Variants in ELFN2 observed in about 807,000 individuals in gnomAD.
ELFN2 encodes protein phosphatase 1 regulatory subunit 29.
Under a neutral mutation model 45.5 loss-of-function variants are expected in ELFN2, and 17 were observed. The ratio of observed to expected loss-of-function variants is 0.37; its 90% CI spans 0.26 to 0.56. The LOEUF (loss-of-function observed/expected upper bound fraction) is 0.56, where lower values mean the gene tolerates loss of function less well. ELFN2 is among the 20% of genes least tolerant of loss of function. ELFN2 has a pLI of 0.77. For missense variants in ELFN2, 922 were observed against 1,183.2 expected, an observed-to-expected ratio of 0.78 and a Z score of 3.24; for synonymous variants, 550 against 551.5, an observed-to-expected ratio of 1.00 and a Z score of 0.04.
chr22:37,341,467 A>G (rs1930558336), intron 2 of ELFN2, among the ~76,000 whole-genome samples: 1 of 151,628 alleles, frequency 6.6e-6, no homozygotes, highest in Non-Finnish European at 1.5e-5. Flanking sequence ...AGAGGAGGGA[A>G]GGTCTAAAGC....
chr22:37,412,813 C>T (rs752409702), intron 2 of ELFN2, among the ~76,000 whole-genome samples: 10 of 152,234 alleles, frequency 6.6e-5, no homozygotes, highest in Non-Finnish European at 1.5e-4. Flanking sequence ...CAGGTCCAGC[C>T]TCTGGCATTG....
chr22:37,392,318 CTT>C (rs1285741986), intron 2 of ELFN2, among the ~76,000 whole-genome samples: 7 of 131,146 alleles, frequency 5.3e-5, no homozygotes, highest in Admixed American at 7.6e-5. Flanking sequence ...GTTGGATTCT[CTT>C]TTTTTTTTTT....
At chr22:37,392,292 T>TTTTGTTTG (rs554549663) in intron 2 of ELFN2, among the ~76,000 whole-genome samples, 2 of 151,372 alleles carry the variant, frequency 1.3e-5, no homozygotes, top group African/African-American at 4.9e-5. Context: ...TTGTTGTGTT[T>TTTTGTTTG]TTTGTTTGTT....
intron 1 of ELFN2, among the ~76,000 whole-genome samples, chr22:37,346,312 G>T (rs1414328751): frequency 6.6e-6 from 1 of 152,194 alleles, no homozygotes; most frequent in East Asian, 1.9e-4. Context: ...CCTGGCCGGA[G>T]CAGGTGGGGT....
rs918129532 is a variant in ELFN2, at chr22:37,369,041, T to C, written c.*4031A>G. 1 of 152,118 alleles carries C rather than the reference T, an allele frequency of 6.6e-6. No individual in the cohort carries two copies. The highest frequency in any genetic ancestry group is 2.4e-5 in the African/African-American group (1 of 41,370). 9.4% of individuals were successfully genotyped at this position (152,118 alleles called of 1,614,324 possible). On this transcript the variant is annotated 3_prime_UTR_variant, in exon 3 of 3. Coordinates refer to ENST00000402918, the MANE Select transcript of ELFN2 (RefSeq NM_052906.5). Reference sequence around the variant, plus strand: ...GCGCCAGTCACTAGGGAGCATTGTGTCTTATCCCTTCCCTGCACTTAGGCC... The same window carrying C: ...GCGCCAGTCACTAGGGAGCATTGTGCCTTATCCCTTCCCTGCACTTAGGCC...
Position 37,375,299 on chromosome 22 carries a change from C to G in ELFN2, c.236G>C (p.Gly79Ala), listed in dbSNP as rs1052628966. ...GGTGAGGTTGAGGTCGGTGAGGTTC[C>G]CAAAGCGGTTGAGCGAGGAGTAGAG... is the stretch of plus-strand genomic sequence containing the variant. ...AVLYSSLNRF[G>A]NLTDLNLTKN... The change falls in exon 3 of 3, where the codon GGG (glycine) becomes GCG (alanine). Residue 79 changes from glycine to alanine, a missense_variant. This residue lies in a region of ELFN2 where 358 missense variants were observed against 540.4 expected (regional missense o/e 0.66). Transcript: ENST00000402918. The G allele has an allele frequency of 1.9e-6, 3 of 1,613,974 alleles. No individual in the cohort carries two copies. The highest frequency in any genetic ancestry group is 2.5e-6 in the Non-Finnish European group (3 of 1,180,020).
intron 2 of ELFN2, among the ~76,000 whole-genome samples, chr22:37,408,265 T>C (rs1272675259): frequency 6.6e-6 from 1 of 152,194 alleles, no homozygotes; most frequent in Non-Finnish European, 1.5e-5. Flanking sequence ...GGGCATCACA[T>C]ACCCCAGGGC....
At position 37,412,142 on chromosome 22, in the gene ELFN2, C is replaced by T. The variant is rs1255422320; in HGVS notation, c.-463+5627G>A. 2.0e-5 allele frequency among the ~76,000 whole-genome samples: 3 copies of T among 151,952 alleles called. No homozygotes were observed. In the East Asian group the frequency reaches 5.8e-4, roughly 29 times the overall value. The stretch of plus-strand genomic sequence containing the variant: ...GGTGTATCACTTGAGGTCAGGAGTT[C>T]GAGACCAGCCTGGTCAACATGGCGA... On this transcript the variant is annotated intron_variant, in intron 2 of 2. Coordinates refer to ENST00000402918, the MANE Select transcript of ELFN2 (RefSeq NM_052906.5).
chr22:37,390,260 C>G (rs763865302), intron 2 of ELFN2, among the ~76,000 whole-genome samples: 3 of 152,202 alleles, frequency 2.0e-5, no homozygotes, highest in Non-Finnish European at 4.4e-5. Flanking sequence ...ACAGGAGAGT[C>G]GGGTGCGAAT....
chr22:37,394,601 G>C (rs899043867), intron 2 of ELFN2, among the ~76,000 whole-genome samples: 4 of 152,318 alleles, frequency 2.6e-5, no homozygotes, highest in Non-Finnish European at 5.9e-5. Flanking sequence ...CGCAGCTCCC[G>C]CCCCGGCACA....
chr22:37,374,676 C>A lies in ELFN2; in HGVS notation c.859G>T (p.Ala287Ser), dbSNP rs900737812. Residue 287 changes from alanine to serine, a missense_variant, in exon 3 of 3, where the codon GCC (alanine) becomes TCC (serine). Transcript: ENST00000402918. ...GCCGACGCATCCGTGGTGGACGAGGCCGGCGGCTCCACCGAAAGGATCTCG... is the reference window on the plus strand; with the variant it reads ...GCCGACGCATCCGTGGTGGACGAGGACGGCGGCTCCACCGAAAGGATCTCG... ...PDEILSVEPP[A>S]SSTTDASAGP... 8 of 1,611,352 alleles carry A rather than the reference C, an allele frequency of 5.0e-6. No homozygotes were observed. In the African/African-American group the frequency reaches 1.1e-4, roughly 22 times the overall value.
At chr22:37,419,334 A>AACAC (rs373846446) in intron 1 of ELFN2, among the ~76,000 whole-genome samples, 1 of 150,232 alleles carries the variant, frequency 6.7e-6, no homozygotes, top group African/African-American at 2.4e-5. Context: ...ACTATACCCT[A>AACAC]ACACACACAC....
In ELFN2 at chr22:37,372,772, G is replaced by A. The variant is rs910426390; in HGVS notation, c.*300C>T. Reference sequence around the variant, plus strand: ...TCCTTCCTCCCCCCGCCAGCCCCCCGGCCCTGCACACCCCAGCAGAGTCCC... The same window carrying A: ...TCCTTCCTCCCCCCGCCAGCCCCCCAGCCCTGCACACCCCAGCAGAGTCCC... On this transcript the variant is annotated 3_prime_UTR_variant, in exon 3 of 3. Coordinates refer to ENST00000402918, the MANE Select transcript of ELFN2 (RefSeq NM_052906.5). This position sits in a 1 kb window ranked among gnomAD's most constrained non-coding sequence, Gnocchi z 4.4. 1.4e-4 allele frequency: 12 copies of A among 86,412 alleles called. No homozygotes were observed. Among genetic ancestry groups the A allele is most frequent in the South Asian group, 7.8e-4 (2 of 2,562 alleles). The allele number at this position is 86,412 out of a possible 1,614,324, so 5.4% of individuals were successfully genotyped here.
chr22:37,386,703 G>A lies in ELFN2; in HGVS notation c.-462-10707C>T, dbSNP rs915337805. ...CGACATCGAGCCCCGGAAACTCCCCGGGGAGGGCCGCCGGCTGGGCAGAAA... is the reference window on the plus strand; with the variant it reads ...CGACATCGAGCCCCGGAAACTCCCCAGGGAGGGCCGCCGGCTGGGCAGAAA... On this transcript the variant is annotated intron_variant, in intron 2 of 2. Transcript: ENST00000402918. 3.9e-5 allele frequency among the ~76,000 whole-genome samples: 6 copies of A among 152,272 alleles called. No homozygotes were observed. The East Asian group carries it at 5.8e-4, about 15-fold the overall frequency.
intron 2 of ELFN2, among the ~76,000 whole-genome samples, chr22:37,394,180 T>G (rs1355771956): frequency 6.6e-6 from 1 of 152,028 alleles, no homozygotes; most frequent in Non-Finnish European, 1.5e-5. Context: ...CTCCACCCTC[T>G]CCCTCGTCTC....
Position 37,373,352 on chromosome 22 carries a change from A to T in ELFN2, c.2183T>A (p.Val728Glu). The T allele has an allele frequency of 1.9e-6, 3 of 1,613,180 alleles. No individual in the cohort carries two copies. Among genetic ancestry groups the T allele is most frequent in the Non-Finnish European group, 2.5e-6 (3 of 1,179,956 alleles). The change falls in exon 3 of 3, where the codon GTG becomes GAG. Residue 728 changes from valine (V) to glutamate (E), a missense_variant. Transcript: ENST00000402918. Reference sequence around the variant, plus strand: ...GCGGGTCAGCGGCTTGAGGAAGGACACGCGCTGGCTCAGGCTGTCGGCACC... The same window carrying T: ...GCGGGTCAGCGGCTTGAGGAAGGACTCGCGCTGGCTCAGGCTGTCGGCACC... ...EEGADSLSQR[V>E]SFLKPLTRSK...
rs756995270 is a variant in ELFN2 at position 37,373,331 on chromosome 22, G to A, written c.2204C>T (p.Thr735Ile). Reference sequence around the variant, plus strand: ...GTAGGTGGAGTCACGCTTGGAGCGGGTCAGCGGCTTGAGGAAGGACACGCG... The same window carrying A: ...GTAGGTGGAGTCACGCTTGGAGCGGATCAGCGGCTTGAGGAAGGACACGCG... ...SQRVSFLKPL[T>I]RSKRDSTYSQ... The change falls in exon 3 of 3, where the codon ACC becomes ATC. Residue 735 changes from threonine to isoleucine, a missense_variant. Thr to Ile is a moderately conservative substitution (Grantham distance 89). Transcript: ENST00000402918. The A allele has an allele frequency of 6.2e-7, 1 of 1,613,632 alleles. No individual in the cohort carries two copies.
At chr22:37,424,776 C>T (rs133724) in intron 1 of ELFN2, among the ~76,000 whole-genome samples, 42,124 of 152,052 alleles carry the variant, frequency 0.28, 6,673 homozygotes, top group Non-Finnish European at 0.36. Context: ...GTGGCTAACT[C>T]ACCCACCTCA....
chr22:37,401,045 C>G (rs1482514424), intron 2 of ELFN2, among the ~76,000 whole-genome samples: 1 of 152,228 alleles, frequency 6.6e-6, no homozygotes, highest in Non-Finnish European at 1.5e-5. Context: ...CTGAGGAAGC[C>G]CACGGCTCCA....
Sources: allele counts gnomAD v4.1 joint callset (sites outside exome capture counted in the v4.1 genomes callset), GRCh38; gene constraint gnomAD v4.1.1; regional missense constraint gnomAD v4.1.1; non-coding constraint Gnocchi (gnomAD v3.1); transcripts MANE v1.5; gene names NCBI Gene and HGNC (gene_info 2026-07-23, HGNC 2026-07-21).